The following FGD5 variants were observed in gnomAD, a reference collection of about 807,000 sequenced individuals.
FGD5 encodes the protein FYVE, RhoGEF and PH domain-containing protein 5.
A neutral mutation model predicts 133.4 loss-of-function variants in FGD5; 28 were observed. The ratio of observed to expected loss-of-function variants is 0.21; its 90% CI spans 0.16 to 0.29. The LOEUF is 0.29. Ranked by LOEUF, FGD5 falls within the 10% of genes least tolerant of loss-of-function variation. The pLI is 1.00. For synonymous variants in FGD5, 810 were observed against 776.5 expected (o/e 1.04, Z -0.72); for missense variants, 1,858 against 1,895.2 (o/e 0.98, Z 0.36).
intron 1 of FGD5, among the ~76,000 whole-genome samples, chr3:14,828,185 C>G (rs528491686): frequency 4.9e-4 from 75 of 152,116 alleles, no homozygotes; most frequent in African/African-American, 1.8e-3. Context: ...GACTGAGAGT[C>G]TGGGGGTAGG....
At chr3:14,863,220 G>T (rs17040409) in intron 1 of FGD5, among the ~76,000 whole-genome samples, 1 of 152,042 alleles carries the variant, frequency 6.6e-6, no homozygotes, top group African/African-American at 2.4e-5. Flanking sequence ...TAGGAAGAAA[G>T]GTTTGTGAGT....
chr3:14,834,539 C>T (rs1464625930), intron 1 of FGD5, among the ~76,000 whole-genome samples: 5 of 152,244 alleles, frequency 3.3e-5, no homozygotes, highest in Non-Finnish European at 5.9e-5. Context: ...TGAGTCCTCA[C>T]TCACAGGAGC....
In FGD5 at chr3:14,926,177, C is replaced by G. The variant is rs2038799875; in HGVS notation, c.4176C>G (p.Leu1392=). 1 of 1,613,678 alleles carries G rather than the reference C, an allele frequency of 6.2e-7. No homozygotes were observed. Among genetic ancestry groups the G allele is most frequent in the African/African-American group, 1.3e-5 (1 of 75,026 alleles). The change falls in exon 18 of 20, where the codon CTC becomes CTG. Residue 1392 remains leucine, a synonymous_variant. Transcript: ENST00000285046. The stretch of plus-strand genomic sequence containing the variant: ...GGTTTGTCATCAAAGGCAAAGTTCT[C>G]TACACCTACATGGCCAGTGAGGTAG... The part of the protein sequence containing the change: ...KLWFVIKGKV[L]YTYMASEDKV...
Position 14,820,494 on chromosome 3 carries a change from A to C in FGD5, c.1423A>C (p.Arg475=). Residue 475 remains arginine, a synonymous_variant, in exon 1 of 20, where the codon AGG becomes CGG. Transcript: ENST00000285046. ...AGAGGGTGGCCTGGTTCCCGCGGACAGGAAGAACACCAGCACGAGGGTCCG... is the reference window on the plus strand; with the variant it reads ...AGAGGGTGGCCTGGTTCCCGCGGACCGGAAGAACACCAGCACGAGGGTCCG... ...EAEGGLVPAD[R]KNTSTRVRPH... 6.2e-7 allele frequency: 1 copy of C among 1,613,970 alleles called. No individual in the cohort carries two copies. Among genetic ancestry groups the C allele is most frequent in the Non-Finnish European group, 8.5e-7 (1 of 1,179,876 alleles).
At position 14,933,407 on chromosome 3, in the gene FGD5, C is replaced by T. The variant is rs1474628997; in HGVS notation, c.*240C>T. The T allele has an allele frequency of 3.7e-6, 2 of 540,538 alleles. No individual in the cohort carries two copies. Among genetic ancestry groups the T allele is most frequent in the South Asian group, 2.3e-5 (1 of 43,006 alleles). The allele number at this position is 540,538 out of a possible 1,614,324, so 33.5% of individuals were successfully genotyped here. A position where few individuals can be genotyped will look rare whatever the true frequency, so the allele number is the denominator to read the frequency against. ...TGTTTTCCACCCCTACCCCCACCCGCCACCCAGTAATAAACTATTTCCTTA... is the reference window on the plus strand; with the variant it reads ...TGTTTTCCACCCCTACCCCCACCCGTCACCCAGTAATAAACTATTTCCTTA... On this transcript the variant is annotated 3_prime_UTR_variant, in exon 20 of 20. Coordinates refer to ENST00000285046, the MANE Select transcript of FGD5 (RefSeq NM_152536.4).
chr3:14,844,252 A>C (rs1321577269), intron 1 of FGD5, among the ~76,000 whole-genome samples: 2 of 62,692 alleles, frequency 3.2e-5, no homozygotes, highest in African/African-American at 1.4e-4. Context: ...ATATATATAT[A>C]TATATATATA....
At chr3:14,855,979 AT>A (rs2037269947) in intron 1 of FGD5, among the ~76,000 whole-genome samples, 1 of 151,962 alleles carries the variant, frequency 6.6e-6, no homozygotes, top group East Asian at 1.9e-4. Flanking sequence ...CATTTCTCCT[AT>A]GTTTTCTTCT....
rs372928756 is a variant in FGD5 at position 14,851,563 on chromosome 3, A to G, written c.2526-12565A>G. Among the ~76,000 whole-genome samples, 136 of 152,358 alleles carry G rather than the reference A, an allele frequency of 8.9e-4. 2 individuals carry two copies. The South Asian group carries it at 0.019, about 22-fold the overall frequency. On this transcript the variant is annotated intron_variant, in intron 1 of 19. Coordinates refer to ENST00000285046, the MANE Select transcript of FGD5 (RefSeq NM_152536.4). Reference sequence around the variant, plus strand: ...CCTCTGCTGCCAGCATCACTACCTCAGGTTGCCCAAGGCACTTCCAGTGTC... The same window carrying G: ...CCTCTGCTGCCAGCATCACTACCTCGGGTTGCCCAAGGCACTTCCAGTGTC...
Position 14,934,216 on chromosome 3 carries a change from C to T in FGD5, c.*1049C>T, listed in dbSNP as rs529864517. The T allele has an allele frequency of 5.9e-5, 9 of 152,278 alleles. No homozygotes were observed. Among genetic ancestry groups the T allele is most frequent in the Admixed American group, 3.9e-4 (6 of 15,298 alleles). 9.4% of individuals were successfully genotyped at this position (152,278 alleles called of 1,614,324 possible). On this transcript the variant is annotated 3_prime_UTR_variant, in exon 20 of 20. Coordinates refer to ENST00000285046, the MANE Select transcript of FGD5 (RefSeq NM_152536.4). Reference sequence around the variant, plus strand: ...TCTTGGCAGATGGCTCTGGGAACAGCGAGGGAGCACAGAAGTCGTGGCCTG... The same window carrying T: ...TCTTGGCAGATGGCTCTGGGAACAGTGAGGGAGCACAGAAGTCGTGGCCTG...
intron 4 of FGD5, among the ~76,000 whole-genome samples, chr3:14,885,658 G>A (rs370933773): frequency 5.9e-5 from 9 of 152,134 alleles, no homozygotes; most frequent in African/African-American, 2.2e-4. Flanking sequence ...CGCGAGTTTG[G>A]GCTTCTGCAC....
intron 11 of FGD5, 141 bp downstream of exon 11, chr3:14,911,070 C>T: frequency 2.7e-6 from 2 of 739,100 alleles, no homozygotes; most frequent in South Asian, 1.9e-5. Flanking sequence ...TCATTCTGGA[C>T]AGCTGAGAGC....
At chr3:14,906,593 C>T (rs1230872091) in intron 9 of FGD5, among the ~76,000 whole-genome samples, 2 of 152,244 alleles carry the variant, frequency 1.3e-5, no homozygotes, top group Non-Finnish European at 1.5e-5. Context: ...GGCAGAGACT[C>T]GTGGATGAGA....
At position 14,927,593 on chromosome 3, in the gene FGD5, C is replaced by A. The variant is rs1222107466; in HGVS notation, c.4197+1395C>A. Among the ~76,000 whole-genome samples, 10 of 152,132 alleles carry A rather than the reference C, an allele frequency of 6.6e-5. No individual in the cohort carries two copies. The South Asian group carries it at 2.1e-3, about 32-fold the overall frequency. On this transcript the variant is annotated intron_variant, in intron 18 of 19. Coordinates refer to ENST00000285046, the MANE Select transcript of FGD5 (RefSeq NM_152536.4). ...ATGGAATAAAGCTTTCAAATACCAT[C>A]AAAGAAAAAAAGGTTCTGATGAAGT... is the stretch of plus-strand genomic sequence containing the variant.
rs1402447721 is a variant in FGD5, at chr3:14,826,137, T to C, written c.2525+4541T>C. On this transcript the variant is annotated intron_variant, in intron 1 of 19. Transcript: ENST00000285046. Reference sequence around the variant, plus strand: ...CCCTGAGGCCACTTTTCCCCAACATTTTGTTATGAAAATGTTCAAAAAGTT... The same window carrying C: ...CCCTGAGGCCACTTTTCCCCAACATCTTGTTATGAAAATGTTCAAAAAGTT... Among the ~76,000 whole-genome samples the C allele has an allele frequency of 2.0e-5, 3 of 152,110 alleles. No homozygotes were observed. In the South Asian group the frequency reaches 6.2e-4, roughly 32 times the overall value.
At chr3:14,903,487 G>A (rs971270232) in intron 9 of FGD5, among the ~76,000 whole-genome samples, 6 of 147,304 alleles carry the variant, frequency 4.1e-5, no homozygotes, top group Non-Finnish European at 6.0e-5. Context: ...ATATCTCCCA[G>A]TGCTATCCCT....
intron 2 of FGD5, among the ~76,000 whole-genome samples, chr3:14,866,112 A>T (rs2125106099): frequency 6.6e-6 from 1 of 152,000 alleles, no homozygotes; most frequent in South Asian, 2.1e-4. Flanking sequence ...CTTGTGATGT[A>T]CCCCACCACG....
At chr3:14,844,213 AAAAAATATATATATATAT>A (rs1286841495) in intron 1 of FGD5, among the ~76,000 whole-genome samples, 13 of 32,648 alleles carry the variant, frequency 4.0e-4, no homozygotes, top group East Asian at 8.3e-4. Context: ...TTAAAAAAAA[AAAAAATATATATATATAT>A]ATATATATAT....
intron 13 of FGD5, among the ~76,000 whole-genome samples, chr3:14,921,010 A>G (rs2038669039): frequency 6.6e-6 from 1 of 152,164 alleles, no homozygotes; most frequent in Non-Finnish European, 1.5e-5. Flanking sequence ...CTGCCAGCAA[A>G]TAGTTTCTGT....
At chr3:14,923,202 C>G (rs1187762753) in intron 16 of FGD5, 27 bp downstream of exon 16, 1 of 1,600,684 alleles carries the variant, frequency 6.2e-7, no homozygotes, top group African/African-American at 1.3e-5. Flanking sequence ...TTGCCTTCTT[C>G]CAAGTGGCCT....
Sources: gnomAD v4.1 joint callset for allele counts (sites outside exome capture counted in the v4.1 genomes callset) on GRCh38, gnomAD v4.1.1 for gene constraint, MANE v1.5 for transcripts, NCBI Gene and HGNC (gene_info 2026-07-23, HGNC 2026-07-21) for gene names.